Variants in SEMA3A observed in about 807,000 individuals in gnomAD.
SEMA3A encodes semaphorin 3A, also known as semaphorin-3A.
SEMA3A carries 29 observed loss-of-function variants against 97.9 expected under a neutral mutation model. That is an observed-to-expected ratio of 0.30 (90% CI 0.22 to 0.40). SEMA3A has a LOEUF of 0.40. SEMA3A is among the 10% of genes least tolerant of loss of function. The probability of loss-of-function intolerance (pLI) is 1.00; values close to 1 mark genes in which losing one functional copy is unlikely to be tolerated. For missense variants in SEMA3A, 763 were observed against 951.3 expected (o/e 0.80, Z 2.60); for synonymous variants, 321 against 323.7 (o/e 0.99, Z 0.09).
intron 2 of SEMA3A, among the ~76,000 whole-genome samples, chr7:84,342,059 G>A (rs1261636774): frequency 6.6e-6 from 1 of 151,110 alleles, no homozygotes; most frequent in Non-Finnish European, 1.5e-5. Context: ...TTTTTTGACG[G>A]AGTTTCACCC....
At chr7:84,227,201 G>A (rs1245022450) in intron 3 of SEMA3A, among the ~76,000 whole-genome samples, 2 of 151,334 alleles carry the variant, frequency 1.3e-5, no homozygotes, top group Admixed American at 1.3e-4. Flanking sequence ...GATATCTATA[G>A]ATAGATAGAT....
chr7:83,990,398 C>T (rs1487353138), intron 12 of SEMA3A, among the ~76,000 whole-genome samples: 56 of 150,282 alleles, frequency 3.7e-4, no homozygotes, highest in Non-Finnish European at 6.8e-4. Context: ...TTGCCCATGC[C>T]TATGTCCTGA....
chr7:84,221,901 A>G (rs976046928), intron 3 of SEMA3A, among the ~76,000 whole-genome samples: 6 of 152,024 alleles, frequency 3.9e-5, no homozygotes, highest in Non-Finnish European at 7.4e-5. Flanking sequence ...CGGCATCTAT[A>G]GACTTTCTCT....
intron 3 of SEMA3A, among the ~76,000 whole-genome samples, chr7:84,295,393 T>C (rs893470595): frequency 2.6e-5 from 4 of 152,110 alleles, no homozygotes; most frequent in African/African-American, 9.7e-5. Flanking sequence ...TTGCAATTTA[T>C]CTTTTGCTTG....
intron 3 of SEMA3A, among the ~76,000 whole-genome samples, chr7:84,234,328 C>G (rs1219878701): frequency 6.6e-6 from 1 of 152,126 alleles, no homozygotes; most frequent in East Asian, 1.9e-4. Context: ...CCCTTCCACA[C>G]TCATGCTCAT....
At position 84,007,230 on chromosome 7, in the gene SEMA3A, T is replaced by C. The variant is rs955332503; in HGVS notation, c.1140+123A>G. On this transcript the variant is annotated intron_variant, in intron 10 of 16. Coordinates refer to ENST00000265362, the MANE Select transcript of SEMA3A (RefSeq NM_006080.3). ...GGAAAATCTTTGTCTTGCTTTAATT[T>C]ATAATCTTGAAATCTTTTTTCTACA... 8.0e-6 allele frequency: 6 copies of C among 748,606 alleles called. No individual in the cohort carries two copies. In the East Asian group the frequency reaches 1.2e-4, roughly 15 times the overall value. The allele number at this position is 748,606 out of a possible 1,614,324, so 46.4% of individuals were successfully genotyped here. A position where few individuals can be genotyped will look rare whatever the true frequency, so the allele number is the denominator to read the frequency against.
chr7:84,099,025 T>C (rs1382060453), intron 4 of SEMA3A, among the ~76,000 whole-genome samples: 1 of 151,972 alleles, frequency 6.6e-6, no homozygotes, highest in Non-Finnish European at 1.5e-5. Context: ...AGAAGATAAA[T>C]TGGATAGAAT....
intron 1 of SEMA3A, among the ~76,000 whole-genome samples, chr7:84,424,899 A>C (rs1804742923): frequency 1.5e-5 from 1 of 65,466 alleles, no homozygotes; most frequent in Non-Finnish European, 2.5e-5. Flanking sequence ...TAAATAATTT[A>C]TATAAACATA....
chr7:84,016,186 A>G (rs980144995), intron 6 of SEMA3A, among the ~76,000 whole-genome samples: 4 of 151,734 alleles, frequency 2.6e-5, no homozygotes, highest in Non-Finnish European at 2.9e-5. Flanking sequence ...AATTACTATC[A>G]CATTGGTAAA....
Position 84,014,198 on chromosome 7 carries a change from C to G in SEMA3A, c.810+11G>C. 2 of 1,571,552 alleles carry G rather than the reference C, an allele frequency of 1.3e-6. No homozygotes were observed. The highest frequency in any genetic ancestry group is 1.7e-6 in the Non-Finnish European group (2 of 1,163,442). On this transcript the variant is annotated intron_variant, in intron 7 of 16. Transcript: ENST00000265362. ...ATGACATCCTTCTCAGTTTTTTTTT[C>G]TTTACCTCACCTTGCATATCTGACC... is the stretch of plus-strand genomic sequence containing the variant.
chr7:84,110,584 T>C lies in SEMA3A; in HGVS notation c.339A>G (p.Glu113=). Residue 113 remains glutamate (E), a synonymous_variant, in exon 4 of 17, where the codon GAA becomes GAG. Coordinates refer to ENST00000265362, the MANE Select transcript of SEMA3A (RefSeq NM_006080.3). ...TAAGTACCTTGATGAAATTAGCACA[T>C]TCTTTCTGTAAGACAAAAGGAAAAC... The part of the protein sequence containing the change: ...CKWAGKDILK[E]CANFIKVLKA... 1 of 1,613,552 alleles carries C rather than the reference T, an allele frequency of 6.2e-7. No individual in the cohort carries two copies. Among genetic ancestry groups the C allele is most frequent in the Non-Finnish European group, 8.5e-7 (1 of 1,179,650 alleles).
At position 83,994,606 on chromosome 7, in the gene SEMA3A, G is replaced by A. The variant is rs577030565; in HGVS notation, c.1452+7349C>T. Reference sequence around the variant, plus strand: ...GGTGTTAGTGTGCCCCTGCTGGGGGGTGCCTCCCAGTTAGGCTGCTCCGGG... The same window carrying A: ...GGTGTTAGTGTGCCCCTGCTGGGGGATGCCTCCCAGTTAGGCTGCTCCGGG... On this transcript the variant is annotated intron_variant, in intron 12 of 16. Coordinates refer to ENST00000265362, the MANE Select transcript of SEMA3A (RefSeq NM_006080.3). Among the ~76,000 whole-genome samples the A allele has an allele frequency of 9.8e-3, 1,397 of 142,918 alleles. 41 individuals carry two copies. The highest frequency in any genetic ancestry group is 0.035 in the African/African-American group (1,328 of 37,944). The allele number at this position is 142,918 out of a possible 152,430, so 93.8% of individuals were successfully genotyped here.
chr7:83,985,553 C>G, intron 12 of SEMA3A, 76 bp from the exon 13 acceptor site: 1 of 1,162,930 alleles, frequency 8.6e-7, no homozygotes, highest in Non-Finnish European at 1.3e-6. Context: ...ACTCAAGGCA[C>G]TGCCATTAGT....
chr7:84,258,398 C>T (rs1280325909), intron 3 of SEMA3A, among the ~76,000 whole-genome samples: 1 of 151,962 alleles, frequency 6.6e-6, no homozygotes, highest in Non-Finnish European at 1.5e-5. Flanking sequence ...GAATTCTTTC[C>T]CACCATATAA....
At chr7:84,331,673 T>G (rs1801912617) in intron 2 of SEMA3A, among the ~76,000 whole-genome samples, 1 of 152,078 alleles carries the variant, frequency 6.6e-6, no homozygotes, top group Non-Finnish European at 1.5e-5. Flanking sequence ...GACTAAAGTT[T>G]CACAGATCCA....
At chr7:83,988,257 C>T (rs931204519) in intron 12 of SEMA3A, among the ~76,000 whole-genome samples, 7 of 151,908 alleles carry the variant, frequency 4.6e-5, no homozygotes, top group African/African-American at 1.2e-4. Context: ...GAGGGAGTCT[C>T]GCTCTGTCGC....
At chr7:84,054,262 C>T (rs1252862027) in intron 5 of SEMA3A, among the ~76,000 whole-genome samples, 1 of 152,262 alleles carries the variant, frequency 6.6e-6, no homozygotes, top group African/African-American at 2.4e-5. Context: ...GTTGGCTTGC[C>T]TTGCTAGATT....
At chr7:84,360,134 C>T (rs943705871) in intron 2 of SEMA3A, among the ~76,000 whole-genome samples, 1 of 151,998 alleles carries the variant, frequency 6.6e-6, no homozygotes, top group Admixed American at 6.6e-5. Flanking sequence ...GTGTCTCTAT[C>T]TCCTTCAGCT....
At chr7:84,112,855 A>G (rs944035910) in intron 3 of SEMA3A, among the ~76,000 whole-genome samples, 1 of 152,212 alleles carries the variant, frequency 6.6e-6, no homozygotes, top group Non-Finnish European at 1.5e-5. Flanking sequence ...TGTTGGAACA[A>G]AATCAATCAC....
Sources: gnomAD v4.1 joint callset for allele counts (sites outside exome capture counted in the v4.1 genomes callset) on GRCh38, gnomAD v4.1.1 for gene constraint, MANE v1.5 for transcripts, NCBI Gene and HGNC (gene_info 2026-07-23, HGNC 2026-07-21) for gene names.